The following DLG2 variants were observed in gnomAD, a reference collection of about 807,000 sequenced individuals.
DLG2 encodes disks large homolog 2.
A neutral mutation model predicts 132.5 loss-of-function variants in DLG2; 45 were observed. The observed-to-expected ratio is 0.34, with a 90% confidence interval of 0.27 to 0.44. DLG2 has a LOEUF of 0.44. Ranked by LOEUF, DLG2 falls within the 20% of genes least tolerant of loss-of-function variation. The probability of loss-of-function intolerance (pLI) is 1.00; values close to 1 mark genes in which losing one functional copy is unlikely to be tolerated. For synonymous variants in DLG2, 424 were observed against 419.6 expected, an observed-to-expected ratio of 1.01 and a Z score of -0.13; for missense variants, 1,045 against 1,196.9, an observed-to-expected ratio of 0.87 and a Z score of 1.87.
At chr11:83,778,935 G>C (rs921819239) in intron 18 of DLG2, among the ~76,000 whole-genome samples, 16 of 152,100 alleles carry the variant, frequency 1.1e-4, no homozygotes, top group Admixed American at 2.0e-4. Context: ...GAGACTTCCT[G>C]GGAAGTGTCT....
intron 2 of DLG2, among the ~76,000 whole-genome samples, chr11:85,607,971 T>C (rs868063384): frequency 1.3e-5 from 2 of 152,162 alleles, no homozygotes; most frequent in South Asian, 2.1e-4. Flanking sequence ...GGTGACTACA[T>C]TGGATTTTTC....
chr11:85,422,851 C>CT (rs979164340), intron 3 of DLG2, among the ~76,000 whole-genome samples: 7 of 151,596 alleles, frequency 4.6e-5, no homozygotes, highest in Non-Finnish European at 7.4e-5. Context: ...CTTCTTGTAT[C>CT]TTTTTTTTTA....
intron 18 of DLG2, chr11:83,725,237 C>G (rs1013337347): frequency 5.0e-5 from 12 of 241,718 alleles, no homozygotes; most frequent in South Asian, 1.3e-4. Context: ...GAAAACCTGC[C>G]TGGGGAGGCT....
intron 7 of DLG2, among the ~76,000 whole-genome samples, chr11:84,271,144 G>T (rs2097716813): frequency 1.3e-5 from 2 of 152,108 alleles, no homozygotes; most frequent in African/African-American, 4.8e-5. Flanking sequence ...TTTTAATAAT[G>T]GCTATAATTT....
intron 7 of DLG2, among the ~76,000 whole-genome samples, chr11:84,303,179 G>C (rs535511807): frequency 6.6e-6 from 1 of 152,104 alleles, no homozygotes; most frequent in Non-Finnish European, 1.5e-5. Flanking sequence ...AATTAAGTAT[G>C]ATAACAGGTA....
chr11:84,702,869 G>T (rs1309364122), intron 6 of DLG2, among the ~76,000 whole-genome samples: 1 of 151,546 alleles, frequency 6.6e-6, no homozygotes, highest in Non-Finnish European at 1.5e-5. Context: ...ACCTTACACA[G>T]TGTCTGGCAT....
chr11:85,324,234 C>A (rs1170510481), intron 3 of DLG2, among the ~76,000 whole-genome samples: 1 of 152,092 alleles, frequency 6.6e-6, no homozygotes, highest in African/African-American at 2.4e-5. Context: ...CTTTGAATAG[C>A]TTCTACTTGT....
intron 7 of DLG2, chr11:84,316,677 G>T: frequency 1.2e-6 from 1 of 868,456 alleles, no homozygotes; most frequent in Non-Finnish European, 1.7e-6. Flanking sequence ...ACAAACATGT[G>T]TGAAAATGAC....
chr11:85,420,295 T>C (rs533957479), intron 3 of DLG2, among the ~76,000 whole-genome samples: 3 of 152,296 alleles, frequency 2.0e-5, no homozygotes, highest in African/African-American at 7.2e-5. Context: ...TGCCTGTTCC[T>C]TCCTCTGGAA....
At chr11:83,856,929 G>C (rs2060624717) in intron 16 of DLG2, among the ~76,000 whole-genome samples, 1 of 152,126 alleles carries the variant, frequency 6.6e-6, no homozygotes, top group African/African-American at 2.4e-5. Flanking sequence ...TATTGCCTAG[G>C]TTGTCTTCCA....
chr11:84,972,807 C>A (rs1344534957), intron 6 of DLG2, among the ~76,000 whole-genome samples: 3 of 152,146 alleles, frequency 2.0e-5, no homozygotes, highest in Non-Finnish European at 2.9e-5. Context: ...AAACAGCTCC[C>A]CTGGACCCTC....
intron 3 of DLG2, chr11:85,452,899 T>TG (rs2092297823): frequency 4.8e-6 from 1 of 206,976 alleles, no homozygotes; most frequent in Admixed American, 4.4e-5. Context: ...TATACTTTCT[T>TG]GAAGGCAAAG....
intron 15 of DLG2, among the ~76,000 whole-genome samples, chr11:83,918,055 G>T (rs945473420): frequency 1.9e-4 from 29 of 152,144 alleles, no homozygotes; most frequent in Non-Finnish European, 3.5e-4. Context: ...AATAATGTGA[G>T]AAGGCAGATG....
At chr11:84,571,623 T>A (rs1426850551) in intron 6 of DLG2, among the ~76,000 whole-genome samples, 1 of 152,078 alleles carries the variant, frequency 6.6e-6, no homozygotes, top group African/African-American at 2.4e-5. Flanking sequence ...GCCTTTTCCC[T>A]ATGAACAAGC....
chr11:84,174,043 A>G (rs1446083172), intron 8 of DLG2, among the ~76,000 whole-genome samples: 3 of 12,266 alleles, frequency 2.4e-4, no homozygotes, highest in African/African-American at 5.2e-4. Context: ...TTTTCTGAGT[A>G]AACACTTAAG....
rs759240576 is a variant in DLG2, at chr11:85,559,767, C to A, written c.40+38890G>T. ...AACAAAAAAGCGAGGTATCTTAAAT[C>A]TCAAAATCTAAAATACACACACACA... On this transcript the variant is annotated intron_variant, in intron 3 of 27. Transcript: ENST00000376104. 4.6e-5 allele frequency among the ~76,000 whole-genome samples: 7 copies of A among 151,098 alleles called. 1 individual carries two copies. Among genetic ancestry groups the A allele is most frequent in the Non-Finnish European group, 7.4e-5 (5 of 67,688 alleles).
chr11:85,148,178 T>C (rs1053529934), intron 5 of DLG2, among the ~76,000 whole-genome samples: 39 of 152,176 alleles, frequency 2.6e-4, no homozygotes, highest in African/African-American at 9.2e-4. Context: ...GTTGGTTCTA[T>C]GTCTTTGCTA....
At chr11:83,775,602 A>G (rs2094549539) in intron 18 of DLG2, among the ~76,000 whole-genome samples, 1 of 152,134 alleles carries the variant, frequency 6.6e-6, no homozygotes, top group South Asian at 2.1e-4. Context: ...TCTTGTAACC[A>G]TGTCCCATTC....
intron 6 of DLG2, among the ~76,000 whole-genome samples, chr11:84,989,425 C>T (rs544063752): frequency 6.6e-6 from 1 of 152,278 alleles, no homozygotes; most frequent in South Asian, 2.1e-4. Context: ...ATCCACCCAC[C>T]TTGGCCTCCC....
Sources: allele counts gnomAD v4.1 joint callset (sites outside exome capture counted in the v4.1 genomes callset), GRCh38; gene constraint gnomAD v4.1.1; transcripts MANE v1.5; gene names NCBI Gene and HGNC (gene_info 2026-07-23, HGNC 2026-07-21).